UNC5B: variants seen among roughly 807,000 people sequenced by gnomAD.
UNC5B encodes the protein unc-5 netrin receptor B.
In UNC5B, 56 loss-of-function variants were observed where a neutral mutation model predicts 103.7. The ratio of observed to expected loss-of-function variants is 0.54; its 90% CI spans 0.44 to 0.67. The LOEUF is 0.67. Ranked by LOEUF, UNC5B falls within the 30% of genes least tolerant of loss-of-function variation. The pLI, the probability that UNC5B is intolerant of heterozygous loss-of-function variation, is 0.00. For missense variants in UNC5B, 1,194 were observed against 1,284.5 expected (o/e 0.93, Z 1.08); for synonymous variants, 577 against 542.0 (o/e 1.06, Z -0.90).
chr10:71,286,561 C>T (rs1589194788), intron 4 of UNC5B, 128 bp from the exon 5 acceptor site: 1 of 1,220,608 alleles, frequency 8.2e-7, no homozygotes, highest in East Asian at 2.3e-5. Context: ...GTGTCCAGTG[C>T]TATAGTCCCA....
chr10:71,287,753 A>G lies in UNC5B; in HGVS notation c.889A>G (p.Thr297Ala). The G allele has an allele frequency of 6.2e-7, 1 of 1,612,364 alleles. No individual in the cohort carries two copies. Among genetic ancestry groups the G allele is most frequent in the Non-Finnish European group, 8.5e-7 (1 of 1,179,144 alleles). The change falls in exon 6 of 17, where the codon ACC (threonine) becomes GCC (alanine). Residue 297 changes from threonine to alanine, a missense_variant. Coordinates refer to ENST00000335350, the MANE Select transcript of UNC5B (RefSeq NM_170744.5). ...GQAFQKTACT[T>A]ICPVDGAWTE... ...GGCATTCCAGAAGACCGCCTGCACC[A>G]CCATCTGCCCAGGTAAGGAGCCTTG...
chr10:71,249,148 C>A lies in UNC5B; in HGVS notation c.80-30673C>A, dbSNP rs149674440. On this transcript the variant is annotated intron_variant, in intron 1 of 16. Transcript: ENST00000335350. ...ACAGGCACCTCACCCCAGGGTTGAACGCACTCATGAGAACGTGACCACGGC... is the reference window on the plus strand; with the variant it reads ...ACAGGCACCTCACCCCAGGGTTGAAAGCACTCATGAGAACGTGACCACGGC... Among the ~76,000 whole-genome samples the A allele has an allele frequency of 2.0e-5, 3 of 152,214 alleles. No individual in the cohort carries two copies. In the South Asian group the frequency reaches 6.2e-4, roughly 31 times the overall value.
intron 1 of UNC5B, among the ~76,000 whole-genome samples, chr10:71,224,365 A>ACGCGCG (rs5786028): frequency 3.4e-5 from 1 of 29,156 alleles, no homozygotes; most frequent in Non-Finnish European, 6.7e-5. Flanking sequence ...CTGTATGTAG[A>ACGCGCG]CACACACACA....
intron 1 of UNC5B, among the ~76,000 whole-genome samples, chr10:71,216,860 G>C (rs140802655): frequency 6.6e-6 from 1 of 152,220 alleles, no homozygotes; most frequent in Non-Finnish European, 1.5e-5. Flanking sequence ...CTCGGACCAG[G>C]TTAGTGATTC....
chr10:71,239,687 G>A (rs573110681), intron 1 of UNC5B, among the ~76,000 whole-genome samples: 8 of 152,284 alleles, frequency 5.3e-5, no homozygotes, highest in African/African-American at 7.2e-5. Context: ...GGGCATCCAC[G>A]GGGGCGGGCA....
intron 1 of UNC5B, among the ~76,000 whole-genome samples, chr10:71,260,298 C>T (rs912582427): frequency 2.0e-5 from 3 of 152,226 alleles, no homozygotes; most frequent in South Asian, 2.1e-4. Flanking sequence ...GCTCGGGGAC[C>T]GCCTTTCCCC....
intron 8 of UNC5B, among the ~76,000 whole-genome samples, chr10:71,290,193 C>T (rs1267558612): frequency 1.3e-5 from 2 of 152,234 alleles, no homozygotes; most frequent in Admixed American, 1.3e-4. Flanking sequence ...GCATACGGGA[C>T]AGTGCAGCCA....
intron 1 of UNC5B, among the ~76,000 whole-genome samples, chr10:71,258,828 G>A (rs1382040129): frequency 2.0e-5 from 3 of 152,260 alleles, no homozygotes; most frequent in Non-Finnish European, 4.4e-5. Flanking sequence ...CAGCAGAGGA[G>A]CTGCCAGATG....
intron 1 of UNC5B, among the ~76,000 whole-genome samples, chr10:71,227,737 CACACACACAT>C (rs1339264702): frequency 1.8e-4 from 27 of 149,402 alleles, no homozygotes; most frequent in African/African-American, 6.7e-4. Flanking sequence ...CACACACACA[CACACACACAT>C]ACATACCCTA....
intron 1 of UNC5B, among the ~76,000 whole-genome samples, chr10:71,234,662 C>T (rs1843741376): frequency 6.6e-6 from 1 of 152,202 alleles, no homozygotes; most frequent in Non-Finnish European, 1.5e-5. Flanking sequence ...TAGCTCAGTG[C>T]AAGAGGCGTG....
intron 1 of UNC5B, among the ~76,000 whole-genome samples, chr10:71,243,739 GA>G (rs1317867850): frequency 6.6e-6 from 1 of 152,224 alleles, no homozygotes; most frequent in African/African-American, 2.4e-5. Context: ...GAACATGGAG[GA>G]AAATCAGAAC....
In UNC5B at chr10:71,291,919, C is replaced by G. The variant is rs1236293069; in HGVS notation, c.1684+98C>G. The G allele has an allele frequency of 3.5e-6, 5 of 1,446,310 alleles. No individual in the cohort carries two copies. The African/African-American group carries it at 7.1e-5, about 21-fold the overall frequency. 89.6% of individuals were successfully genotyped at this position (1,446,310 alleles called of 1,614,324 possible). ...AGCAGAAGATAGGGCTGCCCTAATCCCATCTCACAGATGGGGAAAGGGAGG... is the reference window on the plus strand; with the variant it reads ...AGCAGAAGATAGGGCTGCCCTAATCGCATCTCACAGATGGGGAAAGGGAGG... On this transcript the variant is annotated intron_variant, in intron 10 of 16. Transcript: ENST00000335350.
At chr10:71,233,225 C>T (rs1365478449) in intron 1 of UNC5B, among the ~76,000 whole-genome samples, 1 of 152,138 alleles carries the variant, frequency 6.6e-6, no homozygotes, top group African/African-American at 2.4e-5. Flanking sequence ...AGGTAGGACC[C>T]CTCGGCTTTT....
chr10:71,218,959 TC>T (rs1326319311), intron 1 of UNC5B, among the ~76,000 whole-genome samples: 1 of 152,128 alleles, frequency 6.6e-6, no homozygotes, highest in African/African-American at 2.4e-5. Flanking sequence ...CATGCTGGAC[TC>T]CACTGTCGTT....
chr10:71,283,086 C>T (rs1235327036), intron 2 of UNC5B, among the ~76,000 whole-genome samples: 1 of 151,982 alleles, frequency 6.6e-6, no homozygotes, highest in African/African-American at 2.4e-5. Context: ...CGCCGCTGCA[C>T]TCCAGCCTGG....
At chr10:71,262,048 G>T (rs1310651618) in intron 1 of UNC5B, among the ~76,000 whole-genome samples, 1 of 152,060 alleles carries the variant, frequency 6.6e-6, no homozygotes, top group African/African-American at 2.4e-5. Flanking sequence ...AGCAACACAG[G>T]CCCAGACTGT....
intron 1 of UNC5B, among the ~76,000 whole-genome samples, chr10:71,262,406 G>T (rs979966166): frequency 6.6e-6 from 1 of 151,844 alleles, no homozygotes; most frequent in African/African-American, 2.4e-5. Context: ...AGGATTGTGG[G>T]GGGGCTGTCC....
intron 1 of UNC5B, among the ~76,000 whole-genome samples, chr10:71,233,727 A>G (rs1042449267): frequency 7.9e-5 from 12 of 152,194 alleles, no homozygotes; most frequent in African/African-American, 2.7e-4. Context: ...GGTGGGGCAC[A>G]GGGAACTGGA....
At chr10:71,294,968 C>T (rs1415188372) in intron 13 of UNC5B, among the ~76,000 whole-genome samples, 1 of 152,196 alleles carries the variant, frequency 6.6e-6, no homozygotes, top group Non-Finnish European at 1.5e-5. Context: ...AGCCCCTTCC[C>T]CTCCCTCCTC....
Sources: allele counts gnomAD v4.1 joint callset (sites outside exome capture counted in the v4.1 genomes callset), GRCh38; gene constraint gnomAD v4.1.1; transcripts MANE v1.5; gene names NCBI Gene and HGNC (gene_info 2026-07-23, HGNC 2026-07-21).